Variants in CSDC2 observed in about 807,000 individuals in gnomAD.
CSDC2 encodes cold shock domain-containing protein C2.
A neutral mutation model predicts 15.8 loss-of-function variants in CSDC2; 8 were observed. That is an observed-to-expected ratio of 0.51 (90% confidence interval 0.30 to 0.92). The LOEUF (loss-of-function observed/expected upper bound fraction) is 0.92, where lower values mean the gene tolerates loss of function less well. CSDC2 is among the 40% of genes least tolerant of loss of function. CSDC2 has a pLI of 0.07. For synonymous variants in CSDC2, 96 were observed against 92.3 expected (o/e 1.04, Z -0.23); for missense variants, 195 against 213.3 (o/e 0.91, Z 0.53).
At chr22:41,562,215 G>C (rs919885428) in intron 1 of CSDC2, among the ~76,000 whole-genome samples, 1 of 152,014 alleles carries the variant, frequency 6.6e-6, no homozygotes, top group Non-Finnish European at 1.5e-5. Context: ...CTGGGAAAGG[G>C]GGTCTCCAGC....
Position 41,571,976 on chromosome 22 carries a change from AGTCGAC to A in CSDC2, c.15_20del (p.Thr6_Ser7del), listed in dbSNP as rs1356992711. On this transcript the variant is annotated inframe_deletion, in exon 2 of 4. Coordinates refer to ENST00000306149, the MANE Select transcript of CSDC2 (RefSeq NM_014460.4). ...CCTGCTGGCCCCACCATGACTTCAGAGTCGACGTCACCCCCAGTTGTGCCCCCGCTC... is the reference window on the plus strand; with the variant it reads ...CCTGCTGGCCCCACCATGACTTCAGAGTCACCCCCAGTTGTGCCCCCGCTC... 1 of 1,349,748 alleles carries A rather than the reference AGTCGAC, an allele frequency of 7.4e-7. No homozygotes were observed. The highest frequency in any genetic ancestry group is 3.1e-5 in the East Asian group (1 of 32,608). The allele number at this position is 1,349,748 out of a possible 1,614,324, so 83.6% of individuals were successfully genotyped here.
chr22:41,561,544 C>T (rs1010431251), intron 1 of CSDC2, among the ~76,000 whole-genome samples: 4 of 152,234 alleles, frequency 2.6e-5, no homozygotes, highest in Non-Finnish European at 5.9e-5. Flanking sequence ...ACCCCAGTGC[C>T]GCTTCCAGTT....
chr22:41,570,722 T>C (rs1369879092), intron 1 of CSDC2, among the ~76,000 whole-genome samples: 1 of 150,784 alleles, frequency 6.6e-6, no homozygotes, highest in African/African-American at 2.4e-5. Context: ...CTTGGGAGGT[T>C]GAGGCAGGAG....
At position 41,571,864 on chromosome 22, in the gene CSDC2, G is replaced by A; in HGVS notation, c.-102G>A. ...CCAGACGGAGCCCGTGGCTGGTGAGGCCGCAGAGCAGGGCCAGGCCGGGCC... is the reference window on the plus strand; with the variant it reads ...CCAGACGGAGCCCGTGGCTGGTGAGACCGCAGAGCAGGGCCAGGCCGGGCC... On this transcript the variant is annotated 5_prime_UTR_variant, in exon 2 of 4. Transcript: ENST00000306149. The A allele has an allele frequency of 2.8e-6, 2 of 713,816 alleles. No individual in the cohort carries two copies. The highest frequency in any genetic ancestry group is 4.8e-5 in the South Asian group (1 of 20,710). The allele number at this position is 713,816 out of a possible 1,614,324, so 44.2% of individuals were successfully genotyped here.
At position 41,571,950 on chromosome 22, in the gene CSDC2, T is replaced by G; in HGVS notation, c.-16T>G. 1 of 1,322,358 alleles carries G rather than the reference T, an allele frequency of 7.6e-7. No individual in the cohort carries two copies. Among genetic ancestry groups the G allele is most frequent in the African/African-American group, 1.5e-5 (1 of 65,038 alleles). The allele number at this position is 1,322,358 out of a possible 1,614,324, so 81.9% of individuals were successfully genotyped here. On this transcript the variant is annotated 5_prime_UTR_variant, in exon 2 of 4. Transcript: ENST00000306149. ...CTGGGCCCCAGAGCCCACCAGGCTC[T>G]CCTGCTGGCCCCACCATGACTTCAG...
intron 1 of CSDC2, among the ~76,000 whole-genome samples, chr22:41,568,410 A>G (rs966467474): frequency 6.6e-6 from 1 of 152,124 alleles, no homozygotes. Flanking sequence ...CAGATGCCCA[A>G]GTAGCTGGGA....
intron 3 of CSDC2, 129 bp downstream of exon 3, chr22:41,573,906 GA>G: frequency 8.0e-7 from 1 of 1,242,498 alleles, no homozygotes; most frequent in Non-Finnish European, 1.1e-6. Flanking sequence ...TCTGTCCTCT[GA>G]GTAGGGGCTG....
At position 41,575,093 on chromosome 22, in the gene CSDC2, C is replaced by T. The variant is rs1034287464; in HGVS notation, c.*198C>T. ...CCACGACCCGTGACTACTGTGCAAG[C>T]TGGCCAGGAGGTAGGTGGAGGGCAA... On this transcript the variant is annotated 3_prime_UTR_variant, in exon 4 of 4. Transcript: ENST00000306149. 2.0e-5 allele frequency: 14 copies of T among 689,484 alleles called. No individual in the cohort carries two copies. The highest frequency in any genetic ancestry group is 2.9e-5 in the Non-Finnish European group (12 of 420,810). 42.7% of individuals were successfully genotyped at this position (689,484 alleles called of 1,614,324 possible).
At position 41,575,021 on chromosome 22, in the gene CSDC2, G is replaced by C; in HGVS notation, c.*126G>C. The C allele has an allele frequency of 9.1e-7, 1 of 1,095,858 alleles. No individual in the cohort carries two copies. Among genetic ancestry groups the C allele is most frequent in the Non-Finnish European group, 1.3e-6 (1 of 774,846 alleles). 67.9% of individuals were successfully genotyped at this position (1,095,858 alleles called of 1,614,324 possible). On this transcript the variant is annotated 3_prime_UTR_variant, in exon 4 of 4. Coordinates refer to ENST00000306149, the MANE Select transcript of CSDC2 (RefSeq NM_014460.4). ...TTCGGTGGCCTCAGTGTGCACGTCTGTCTGTCCGTCTGTGCTTGTGGCTAT... is the reference window on the plus strand; with the variant it reads ...TTCGGTGGCCTCAGTGTGCACGTCTCTCTGTCCGTCTGTGCTTGTGGCTAT...
intron 3 of CSDC2, 104 bp downstream of exon 3, chr22:41,573,881 A>G: frequency 1.4e-6 from 2 of 1,408,938 alleles, no homozygotes; most frequent in South Asian, 2.7e-5. Flanking sequence ...TGAGGTCTGT[A>G]TTCATGGTGC....
intron 1 of CSDC2, among the ~76,000 whole-genome samples, chr22:41,569,247 G>A (rs549290878): frequency 7.9e-5 from 12 of 152,238 alleles, no homozygotes; most frequent in Non-Finnish European, 1.6e-4. Flanking sequence ...TTGCTGCCCC[G>A]TCTTCTTTTT....
rs775857201 is a variant in CSDC2, at chr22:41,571,987, C to A, written c.22C>A (p.Pro8Thr). The change falls in exon 2 of 4, where the codon CCC (proline) becomes ACC (threonine). Residue 8 changes from proline to threonine, a missense_variant. Transcript: ENST00000306149. MTSESTS[P>T]PVVPPLHSPK... ...CACCATGACTTCAGAGTCGACGTCA[C>A]CCCCAGTTGTGCCCCCGCTCCACTC... The A allele has an allele frequency of 7.4e-7, 1 of 1,360,500 alleles. No individual in the cohort carries two copies. The highest frequency in any genetic ancestry group is 2.0e-5 in the South Asian group (1 of 49,994). The allele number at this position is 1,360,500 out of a possible 1,614,324, so 84.3% of individuals were successfully genotyped here. A position where few individuals can be genotyped will look rare whatever the true frequency, so the allele number is the denominator to read the frequency against.
At position 41,572,092 on chromosome 22, in the gene CSDC2, C is replaced by T. The variant is rs372792554; in HGVS notation, c.127C>T (p.Arg43Trp). ...RVWERGGVPP[R>W]DLPSPLPTKR... is the part of the protein sequence containing the mutation. ...CTGGGAGCGGGGTGGTGTCCCACCT[C>T]GGGACCTACCCAGCCCTCTGCCCAC... is the stretch of plus-strand genomic sequence containing the variant. Residue 43 changes from arginine (R) to tryptophan (W), a missense_variant, in exon 2 of 4, where the codon CGG becomes TGG. Physicochemically the swap from Arg to Trp is moderately radical, Grantham distance 101 (BLOSUM62 -3). Transcript: ENST00000306149. 5 of 1,358,436 alleles carry T rather than the reference C, an allele frequency of 3.7e-6. No homozygotes were observed. Among genetic ancestry groups the T allele is most frequent in the Non-Finnish European group, 4.8e-6 (5 of 1,051,050 alleles). 84.1% of individuals were successfully genotyped at this position (1,358,436 alleles called of 1,614,324 possible).
At chr22:41,562,335 A>G (rs931575746) in intron 1 of CSDC2, among the ~76,000 whole-genome samples, 1 of 146,188 alleles carries the variant, frequency 6.8e-6, no homozygotes, top group Non-Finnish European at 1.5e-5. Flanking sequence ...GCCGCCCCCC[A>G]TTTCCTTGAA....
intron 1 of CSDC2, among the ~76,000 whole-genome samples, chr22:41,561,928 G>T (rs1187181955): frequency 6.6e-6 from 1 of 152,186 alleles, no homozygotes; most frequent in Non-Finnish European, 1.5e-5. Flanking sequence ...GCCCATGAAT[G>T]GCCTGACCCT....
intron 1 of CSDC2, among the ~76,000 whole-genome samples, chr22:41,564,507 G>A (rs951833278): frequency 2.3e-4 from 35 of 152,006 alleles, no homozygotes; most frequent in African/African-American, 7.5e-4. Flanking sequence ...TGATCCACCC[G>A]CCTTAGCCTC....
At chr22:41,563,325 G>A (rs906408959) in intron 1 of CSDC2, among the ~76,000 whole-genome samples, 1 of 152,042 alleles carries the variant, frequency 6.6e-6, no homozygotes, top group South Asian at 2.1e-4. Context: ...CTGCCCGGGG[G>A]TCCTGAGTTT....
chr22:41,572,323 T>C (rs567525106), intron 2 of CSDC2, among the ~76,000 whole-genome samples, 182 bp downstream of exon 2: 85 of 97,658 alleles, frequency 8.7e-4, no homozygotes, highest in South Asian at 6.1e-3. Context: ...CACCCATCCA[T>C]CCATCCATCC....
Position 41,573,734 on chromosome 22 carries a change from A to AC in CSDC2, c.261dup (p.Glu88ArgfsTer13). ...ACGCTCACAGGGCCATGGCTTCATC[A>AC]CCCCCGAGAACGGGTCCGAGGACAT... On this transcript the variant is annotated frameshift_variant, in exon 3 of 4. Coordinates refer to ENST00000306149, the MANE Select transcript of CSDC2 (RefSeq NM_014460.4). LOFTEE classifies it high-confidence loss of function. 1 of 1,613,284 alleles carries AC rather than the reference A, an allele frequency of 6.2e-7. No individual in the cohort carries two copies. Among genetic ancestry groups the AC allele is most frequent in the Non-Finnish European group, 8.5e-7 (1 of 1,179,784 alleles).
Sources: allele counts gnomAD v4.1 joint callset (sites outside exome capture counted in the v4.1 genomes callset), GRCh38; gene constraint gnomAD v4.1.1; transcripts MANE v1.5; gene names NCBI Gene and HGNC (gene_info 2026-07-23, HGNC 2026-07-21).